The following LRP1B variants were observed in gnomAD, a reference collection of about 807,000 sequenced individuals.
LRP1B encodes the protein LDL receptor related protein 1B, also known as low-density lipoprotein receptor-related protein 1B.
In LRP1B, 217 loss-of-function variants were observed where a neutral mutation model predicts 556.6. The ratio of observed to expected loss-of-function variants is 0.39; its 90% CI spans 0.35 to 0.44. The LOEUF is 0.44. Ranked by LOEUF, LRP1B falls within the 20% of genes least tolerant of loss-of-function variation. The pLI is 1.00. For synonymous variants in LRP1B, 2,047 were observed against 1,865.8 expected (o/e 1.10, Z -2.50); for missense variants, 5,053 against 5,620.8 (o/e 0.90, Z 3.23).
chr2:141,755,685 T>C (rs973999924), intron 2 of LRP1B, among the ~76,000 whole-genome samples: 1 of 152,058 alleles, frequency 6.6e-6, no homozygotes, highest in Admixed American at 6.6e-5. Flanking sequence ...TATGGAAGTA[T>C]ATACAAAAGG....
intron 3 of LRP1B, among the ~76,000 whole-genome samples, chr2:141,441,977 A>C (rs1207653007): frequency 6.6e-6 from 1 of 152,208 alleles, no homozygotes; most frequent in African/African-American, 2.4e-5. Flanking sequence ...AGAGCTCTTA[A>C]AACATCACCC....
intron 3 of LRP1B, among the ~76,000 whole-genome samples, chr2:141,354,683 G>A (rs1688562577): frequency 6.6e-6 from 1 of 151,866 alleles, no homozygotes; most frequent in Non-Finnish European, 1.5e-5. Context: ...TGTACCTCGG[G>A]GCATGAGAAA....
At chr2:140,401,568 A>G (rs1684503839) in intron 66 of LRP1B, among the ~76,000 whole-genome samples, 1 of 152,188 alleles carries the variant, frequency 6.6e-6, no homozygotes, top group Non-Finnish European at 1.5e-5. Context: ...CTGCCTGGCT[A>G]TGCATCTCCA....
rs371408673 is a variant in LRP1B at position 140,356,293 on chromosome 2, T to C, written c.11530+49A>G. 13 of 1,592,444 alleles carry C rather than the reference T, an allele frequency of 8.2e-6. 1 individual carries two copies. In the African/African-American group the frequency reaches 1.5e-4, roughly 18 times the overall value. ...TCACAATTTAGAAGTCTTGGGAATC[T>C]TCATAACCCAAAGATTTATGAGCAA... is the stretch of plus-strand genomic sequence containing the variant. On this transcript the variant is annotated intron_variant, in intron 75 of 90. Coordinates refer to ENST00000389484, the MANE Select transcript of LRP1B (RefSeq NM_018557.3).
intron 2 of LRP1B, among the ~76,000 whole-genome samples, chr2:141,670,375 C>A (rs1342525126): frequency 1.3e-5 from 2 of 152,120 alleles, no homozygotes; most frequent in African/African-American, 4.8e-5. Context: ...AAAAATAACA[C>A]TTTATTTTTA....
chr2:141,920,799 A>G (rs1277752435), intron 1 of LRP1B, among the ~76,000 whole-genome samples: 1 of 152,042 alleles, frequency 6.6e-6, no homozygotes, highest in Non-Finnish European at 1.5e-5. Flanking sequence ...TAATCCTGCA[A>G]CTGGAATAAT....
intron 24 of LRP1B, 138 bp downstream of exon 24, chr2:140,886,000 T>A (rs979447114): frequency 3.5e-6 from 2 of 572,562 alleles, no homozygotes; most frequent in East Asian, 5.9e-5. Context: ...TCAATATCCC[T>A]GATTTTACAT....
chr2:141,285,916 A>T (rs1685700464), intron 3 of LRP1B, among the ~76,000 whole-genome samples: 1 of 149,752 alleles, frequency 6.7e-6, no homozygotes, highest in African/African-American at 2.4e-5. Flanking sequence ...AATACAAAAA[A>T]ATTAGCCGGG....
intron 1 of LRP1B, among the ~76,000 whole-genome samples, chr2:141,848,024 C>T (rs1284024531): frequency 6.6e-6 from 1 of 150,986 alleles, no homozygotes; most frequent in Admixed American, 6.6e-5. Flanking sequence ...CATACACAAC[C>T]AATACATGAA....
intron 1 of LRP1B, among the ~76,000 whole-genome samples, chr2:141,949,591 T>C (rs943573289): frequency 1.3e-5 from 2 of 152,186 alleles, no homozygotes; most frequent in Non-Finnish European, 2.9e-5. Context: ...GGTTTCACCA[T>C]GTTGGCCAGG....
At chr2:141,320,441 C>T (rs539165238) in intron 3 of LRP1B, among the ~76,000 whole-genome samples, 8 of 151,910 alleles carry the variant, frequency 5.3e-5, no homozygotes, top group Non-Finnish European at 7.4e-5. Flanking sequence ...TTACGGAGTA[C>T]GGGCGGTGAG....
chr2:141,687,362 C>A (rs978989924), intron 2 of LRP1B, among the ~76,000 whole-genome samples: 1 of 151,772 alleles, frequency 6.6e-6, no homozygotes, highest in Non-Finnish European at 1.5e-5. Flanking sequence ...GTTTGTGAGA[C>A]GAGTAAGCCA....
In LRP1B at chr2:140,951,897, A is replaced by G. The variant is rs751307440; in HGVS notation, c.2931T>C (p.Ser977=). The part of the protein sequence containing the change: ...CEPLTQFVCK[S]GRCISSKWHC... ...GCCATTTGCTGCTAATGCATCTTCC[A>G]CTTTTGCATACGAATTGGGTTAGTG... The change falls in exon 19 of 91, where the codon AGT becomes AGC. Residue 977 remains serine, a synonymous_variant. Transcript: ENST00000389484. 1.2e-6 allele frequency: 2 copies of G among 1,614,078 alleles called. No homozygotes were observed. The highest frequency in any genetic ancestry group is 2.2e-5 in the South Asian group (2 of 91,086).
intron 1 of LRP1B, among the ~76,000 whole-genome samples, chr2:141,856,747 C>T (rs375100220): frequency 5.9e-5 from 9 of 152,164 alleles, no homozygotes; most frequent in African/African-American, 1.9e-4. Context: ...CACAGCAGCA[C>T]CATAATGCAG....
chr2:141,586,496 CAAG>C (rs1157829784), intron 2 of LRP1B, among the ~76,000 whole-genome samples: 3 of 152,086 alleles, frequency 2.0e-5, no homozygotes, highest in Non-Finnish European at 4.4e-5. Flanking sequence ...GTTAAAACAG[CAAG>C]AAGGCAGTTT....
At chr2:141,751,728 A>T (rs1694121350) in intron 2 of LRP1B, among the ~76,000 whole-genome samples, 1 of 151,984 alleles carries the variant, frequency 6.6e-6, no homozygotes, top group African/African-American at 2.4e-5. Flanking sequence ...AGCTCATCTC[A>T]AAAACAAACA....
At chr2:141,061,983 T>A in intron 8 of LRP1B, 68 bp downstream of exon 8, 1 of 1,302,454 alleles carries the variant, frequency 7.7e-7, no homozygotes, top group Non-Finnish European at 1.1e-6. Context: ...TTTTCAGTAT[T>A]GCAAATTTTG....
chr2:140,597,488 C>T (rs981545625), intron 43 of LRP1B, among the ~76,000 whole-genome samples: 3 of 152,052 alleles, frequency 2.0e-5, no homozygotes, highest in African/African-American at 4.8e-5. Context: ...GCATTATATA[C>T]TAGGTTTATT....
intron 2 of LRP1B, among the ~76,000 whole-genome samples, chr2:141,796,624 A>G (rs1695822272): frequency 7.1e-6 from 1 of 140,874 alleles, no homozygotes; most frequent in Non-Finnish European, 1.5e-5. Flanking sequence ...AAAAGATTCC[A>G]GTAGGAATGC....
Sources: allele counts gnomAD v4.1 joint callset (sites outside exome capture counted in the v4.1 genomes callset), GRCh38; gene constraint gnomAD v4.1.1; transcripts MANE v1.5; gene names NCBI Gene and HGNC (gene_info 2026-07-23, HGNC 2026-07-21).